GALNT13: variants seen among roughly 807,000 people sequenced by gnomAD.
GALNT13 encodes polypeptide N-acetylgalactosaminyltransferase 13, also known as UDP-GalNAc:polypeptide N-acetylgalactosaminyltransferase 13.
In GALNT13, 28 loss-of-function variants were observed where a neutral mutation model predicts 64.2. The observed-to-expected ratio is 0.44, with a 90% CI of 0.32 to 0.60. The LOEUF (loss-of-function observed/expected upper bound fraction) is 0.60, where lower values mean the gene tolerates loss of function less well. Ranked by LOEUF, GALNT13 falls within the 20% of genes least tolerant of loss-of-function variation. The pLI is 0.05. For missense variants in GALNT13, 577 were observed against 669.8 expected (o/e 0.86, Z 1.53); for synonymous variants, 214 against 224.6 (o/e 0.95, Z 0.42).
At chr2:154,350,340 G>A (rs1199650017) in intron 9 of GALNT13, among the ~76,000 whole-genome samples, 5 of 152,182 alleles carry the variant, frequency 3.3e-5, no homozygotes, top group Admixed American at 1.3e-4. Flanking sequence ...GCAGAAGAAC[G>A]TGGAAGGACT....
the GALNT13 span, among the ~76,000 whole-genome samples, chr2:153,489,861 C>T: frequency 6.6e-6 from 1 of 152,054 alleles, no homozygotes; most frequent in African/African-American, 2.4e-5. Context: ...TAGGTTATGT[C>T]ACTCAAAAAG....
At chr2:153,647,356 T>C in the GALNT13 span, among the ~76,000 whole-genome samples, 2 of 152,226 alleles carry the variant, frequency 1.3e-5, no homozygotes, top group Non-Finnish European at 2.9e-5. Flanking sequence ...TTGTAGATTC[T>C]GGATATTAGC....
At chr2:154,027,381 G>A (rs994958643) in intron 3 of GALNT13, among the ~76,000 whole-genome samples, 1 of 152,110 alleles carries the variant, frequency 6.6e-6, no homozygotes, top group Non-Finnish European at 1.5e-5. Context: ...TCAGTAGATT[G>A]ATATTTTTAA....
the GALNT13 span, among the ~76,000 whole-genome samples, chr2:153,473,868 T>C: frequency 8.7e-4 from 133 of 152,300 alleles, no homozygotes; most frequent in Non-Finnish European, 1.6e-3. Flanking sequence ...CCTAGTAGTT[T>C]CTATAAACAA....
chr2:153,960,116 T>C (rs1023380886), intron 3 of GALNT13, among the ~76,000 whole-genome samples: 1 of 152,216 alleles, frequency 6.6e-6, no homozygotes, highest in African/African-American at 2.4e-5. Context: ...GCTTTGGTAG[T>C]GACAGACCTC....
chr2:153,604,491 C>T, the GALNT13 span, among the ~76,000 whole-genome samples: 4 of 151,992 alleles, frequency 2.6e-5, no homozygotes, highest in Non-Finnish European at 5.9e-5. Context: ...TGGCTTTTGA[C>T]CATTTTTATC....
At chr2:153,698,088 A>C in the GALNT13 span, among the ~76,000 whole-genome samples, 1 of 152,206 alleles carries the variant, frequency 6.6e-6, no homozygotes, top group Non-Finnish European at 1.5e-5. Context: ...AGAGCTCCTA[A>C]AGGAAGCACT....
chr2:153,209,289 CT>C, the GALNT13 span, among the ~76,000 whole-genome samples: 320 of 152,026 alleles, frequency 2.1e-3, 1 homozygote, highest in African/African-American at 7.4e-3. Context: ...TGGGTTTTGT[CT>C]TTTTTTCCTC....
the GALNT13 span, among the ~76,000 whole-genome samples, chr2:153,108,975 C>T: frequency 5.9e-5 from 9 of 152,164 alleles, no homozygotes; most frequent in Non-Finnish European, 1.2e-4. Flanking sequence ...ATATCTGGAG[C>T]CTCAATTGAA....
chr2:153,643,884 A>G, the GALNT13 span, among the ~76,000 whole-genome samples: 1 of 152,014 alleles, frequency 6.6e-6, no homozygotes. Context: ...GTCCTTCACT[A>G]TAAAAAATTT....
intron 4 of GALNT13, among the ~76,000 whole-genome samples, chr2:154,159,629 G>A (rs544966960): frequency 1.3e-5 from 2 of 152,220 alleles, no homozygotes; most frequent in African/African-American, 4.8e-5. Context: ...ATACTAAGAT[G>A]ATGAAAGAGG....
At chr2:154,317,996 G>A (rs1239598940) in intron 9 of GALNT13, among the ~76,000 whole-genome samples, 3 of 151,458 alleles carry the variant, frequency 2.0e-5, no homozygotes, top group Non-Finnish European at 2.9e-5. Flanking sequence ...GTAGATAACT[G>A]CTCTACCTCA....
chr2:153,887,544 A>G (rs1163271541), intron 1 of GALNT13, among the ~76,000 whole-genome samples: 1 of 151,796 alleles, frequency 6.6e-6, no homozygotes, highest in Non-Finnish European at 1.5e-5. Flanking sequence ...GGGAAGATAA[A>G]TGTGTGAAGG....
chr2:153,740,706 G>A, the GALNT13 span, among the ~76,000 whole-genome samples: 11 of 152,184 alleles, frequency 7.2e-5, no homozygotes, highest in Non-Finnish European at 1.3e-4. Context: ...GTTTTAAAAG[G>A]CAATTAACTT....
chr2:153,768,467 G>A, the GALNT13 span, among the ~76,000 whole-genome samples: 2 of 152,032 alleles, frequency 1.3e-5, no homozygotes, highest in African/African-American at 4.8e-5. Context: ...TTGAATCCGG[G>A]TGCCCCAGTA....
intron 3 of GALNT13, among the ~76,000 whole-genome samples, chr2:153,997,912 T>C (rs1574295179): frequency 6.6e-6 from 1 of 152,090 alleles, no homozygotes; most frequent in East Asian, 1.9e-4. Flanking sequence ...TCTTTTCTTG[T>C]GTTAGTTTGC....
chr2:154,402,002 T>C (rs1163634979), intron 10 of GALNT13, among the ~76,000 whole-genome samples: 1 of 152,158 alleles, frequency 6.6e-6, no homozygotes, highest in African/African-American at 2.4e-5. Context: ...AGCAATCATA[T>C]TATGGAAATA....
the GALNT13 span, among the ~76,000 whole-genome samples, chr2:153,816,051 C>T: frequency 3.4e-4 from 52 of 152,258 alleles, no homozygotes; most frequent in African/African-American, 1.2e-3. Context: ...AGGCCAGTTC[C>T]ATGTTCTGTG....
chr2:153,817,685 C>T, the GALNT13 span, among the ~76,000 whole-genome samples: 1 of 152,262 alleles, frequency 6.6e-6, no homozygotes, highest in Non-Finnish European at 1.5e-5. Flanking sequence ...TACCAATGTC[C>T]TGAGTAAAGT....
Sources: gnomAD v4.1 joint callset for allele counts (sites outside exome capture counted in the v4.1 genomes callset) on GRCh38, gnomAD v4.1.1 for gene constraint, MANE v1.5 for transcripts, NCBI Gene and HGNC (gene_info 2026-07-23, HGNC 2026-07-21) for gene names.